MRPS6: variants seen among roughly 807,000 people sequenced by gnomAD.
MRPS6 encodes mitochondrial ribosomal protein S6.
In MRPS6, 6 loss-of-function variants were observed where a neutral mutation model predicts 13.1. The ratio of observed to expected loss-of-function variants is 0.46; its 90% CI spans 0.25 to 0.91. The LOEUF (loss-of-function observed/expected upper bound fraction) is 0.91, where lower values mean the gene tolerates loss of function less well. Among genes scored for constraint, MRPS6 ranks in the 40% least tolerant of loss-of-function variants. MRPS6 has a pLI of 0.18. For synonymous variants in MRPS6, 61 were observed against 56.5 expected (o/e 1.08, Z -0.36); for missense variants, 164 against 155.6 (o/e 1.05, Z -0.29).
chr21:34,088,692 G>T (rs1189326311), intron 1 of MRPS6, among the ~76,000 whole-genome samples: 1 of 152,150 alleles, frequency 6.6e-6, no homozygotes, highest in African/African-American at 2.4e-5. Flanking sequence ...CAACATCCTG[G>T]CTGTAACACA....
intron 1 of MRPS6, among the ~76,000 whole-genome samples, chr21:34,084,214 A>G (rs1989521075): frequency 6.6e-6 from 1 of 152,218 alleles, no homozygotes; most frequent in Non-Finnish European, 1.5e-5. Flanking sequence ...CAGAGGAAAT[A>G]CCCTAATTTC....
intron 1 of MRPS6, among the ~76,000 whole-genome samples, chr21:34,118,651 A>T (rs887884177): frequency 6.7e-6 from 1 of 148,860 alleles, no homozygotes; most frequent in Non-Finnish European, 1.5e-5. Flanking sequence ...AGTAGTTGGG[A>T]CTACAGGCAT....
At chr21:34,102,357 G>C (rs927728071) in intron 1 of MRPS6, 1 of 999,626 alleles carries the variant, frequency 1.0e-6, no homozygotes, top group African/African-American at 1.7e-5. Context: ...AAGGAATGTT[G>C]TGAGAATTGA....
At position 34,142,688 on chromosome 21, in the gene MRPS6, T is replaced by C. The variant is rs1303007347; in HGVS notation, c.*88T>C. 1 of 1,402,644 alleles carries C rather than the reference T, an allele frequency of 7.1e-7. No homozygotes were observed. The highest frequency in any genetic ancestry group is 2.6e-5 in the East Asian group (1 of 38,776). 86.9% of individuals were successfully genotyped at this position (1,402,644 alleles called of 1,614,324 possible). On this transcript the variant is annotated 3_prime_UTR_variant, in exon 3 of 3. Coordinates refer to ENST00000399312, the MANE Select transcript of MRPS6 (RefSeq NM_032476.4). ...AGGAAGAATTTGCAAGTTTGGCCTT[T>C]ATATAAGCATGTGTTGCAGGTGCTG...
intron 1 of MRPS6, chr21:34,099,786 A>G (rs1245889120): frequency 2.7e-5 from 22 of 819,878 alleles, no homozygotes; most frequent in Non-Finnish European, 3.0e-5. Context: ...GACTATTAGC[A>G]TATTCATTAG....
intron 1 of MRPS6, among the ~76,000 whole-genome samples, chr21:34,110,971 AC>A: frequency 6.6e-6 from 1 of 152,316 alleles, no homozygotes; most frequent in South Asian, 2.1e-4. Flanking sequence ...GCCATTTTAA[AC>A]AACGAAATGA....
At chr21:34,075,950 C>G (rs1160690575) in intron 1 of MRPS6, among the ~76,000 whole-genome samples, 1 of 152,178 alleles carries the variant, frequency 6.6e-6, no homozygotes, top group Admixed American at 6.5e-5. Context: ...AGTTCTAACC[C>G]GAGGCACTTT....
At chr21:34,089,648 C>T (rs1439895686) in intron 1 of MRPS6, among the ~76,000 whole-genome samples, 1 of 152,080 alleles carries the variant, frequency 6.6e-6, no homozygotes. Context: ...ATTATCCATT[C>T]TTAACCCCTC....
intron 2 of MRPS6, among the ~76,000 whole-genome samples, chr21:34,138,255 G>A (rs1980776059): frequency 6.6e-6 from 1 of 151,934 alleles, no homozygotes; most frequent in Non-Finnish European, 1.5e-5. Flanking sequence ...AAGCTCTTTA[G>A]TTTAATTAGA....
chr21:34,139,827 C>G (rs1041472926), intron 2 of MRPS6, among the ~76,000 whole-genome samples: 9 of 152,202 alleles, frequency 5.9e-5, no homozygotes, highest in Admixed American at 1.3e-4. Context: ...ATCTGCCTGT[C>G]TAGGCCTCCC....
rs16991205 is a variant in MRPS6 at position 34,100,702 on chromosome 21, C to G, written c.46-24639C>G. The G allele has an allele frequency of 5.2e-4, 523 of 1,000,198 alleles. 7 individuals carry two copies. In the East Asian group the frequency reaches 0.036, roughly 68 times the overall value. The allele number at this position is 1,000,198 out of a possible 1,614,324, so 62.0% of individuals were successfully genotyped here. ...TGTTATGCACTTCTGTAACTTGAGG[C>G]TAAGCAAGGGGTTAACTCTTGTGAG... is the stretch of plus-strand genomic sequence containing the variant. On this transcript the variant is annotated intron_variant, in intron 1 of 2. Transcript: ENST00000399312.
intron 1 of MRPS6, chr21:34,102,434 G>T: frequency 1.0e-6 from 1 of 999,788 alleles, no homozygotes; most frequent in East Asian, 1.1e-4. Flanking sequence ...TTTTGTTTTG[G>T]GGTAAGCACC....
Position 34,142,847 on chromosome 21 carries a change from T to C in MRPS6, c.*247T>C. ...TGATTTTGTTTTCATTAGTGTCATT[T>C]CTTTGTCATTGAGGACTTTTCCCCT... is the stretch of plus-strand genomic sequence containing the variant. On this transcript the variant is annotated 3_prime_UTR_variant, in exon 3 of 3. Coordinates refer to ENST00000399312, the MANE Select transcript of MRPS6 (RefSeq NM_032476.4). The C allele has an allele frequency of 2.9e-6, 1 of 343,770 alleles. No individual in the cohort carries two copies. The highest frequency in any genetic ancestry group is 5.2e-6 in the Non-Finnish European group (1 of 193,272). 21.3% of individuals were successfully genotyped at this position (343,770 alleles called of 1,614,324 possible). A position where few individuals can be genotyped will look rare whatever the true frequency, so the allele number is the denominator to read the frequency against.
At chr21:34,101,076 C>G in intron 1 of MRPS6, 1 of 1,000,088 alleles carries the variant, frequency 1.0e-6, no homozygotes, top group Non-Finnish European at 1.2e-6. Context: ...AAGACCTTTC[C>G]TGTTAAATTA....
At chr21:34,080,456 C>T (rs1432223316) in intron 1 of MRPS6, among the ~76,000 whole-genome samples, 1 of 152,220 alleles carries the variant, frequency 6.6e-6, no homozygotes, top group East Asian at 1.9e-4. Context: ...GTGCCGGCAT[C>T]ATGCTGTTTT....
chr21:34,105,898 A>G (rs1334686191), intron 1 of MRPS6: 17 of 988,344 alleles, frequency 1.7e-5, no homozygotes, highest in African/African-American at 3.5e-5. Context: ...AATCATGACA[A>G]TTCTAACTTG....
intron 1 of MRPS6, among the ~76,000 whole-genome samples, chr21:34,078,498 A>G (rs1368956291): frequency 6.6e-6 from 1 of 152,116 alleles, no homozygotes; most frequent in Non-Finnish European, 1.5e-5. Flanking sequence ...TTCTTAATTC[A>G]TGACTCACAC....
At chr21:34,077,952 C>G (rs1273443193) in intron 1 of MRPS6, among the ~76,000 whole-genome samples, 1 of 152,110 alleles carries the variant, frequency 6.6e-6, no homozygotes, top group Non-Finnish European at 1.5e-5. Flanking sequence ...GAAAGTAATG[C>G]CTATGAAGTG....
chr21:34,135,449 C>T, intron 2 of MRPS6: 2 of 473,108 alleles, frequency 4.2e-6, no homozygotes, highest in Admixed American at 2.2e-5. Context: ...TTGGACTTGG[C>T]CACACATGCC....
Sources: allele counts gnomAD v4.1 joint callset (sites outside exome capture counted in the v4.1 genomes callset), GRCh38; gene constraint gnomAD v4.1.1; transcripts MANE v1.5; gene names NCBI Gene and HGNC (gene_info 2026-07-23, HGNC 2026-07-21).